The following KCND2 variants were observed in gnomAD, a reference collection of about 807,000 sequenced individuals.
KCND2 encodes potassium voltage-gated channel subfamily D member 2, also known as A-type voltage-gated potassium channel KCND2.
KCND2 carries 16 observed loss-of-function variants against 54.4 expected under a neutral mutation model. The ratio of observed to expected loss-of-function variants is 0.29; its 90% CI spans 0.20 to 0.45. The LOEUF (loss-of-function observed/expected upper bound fraction) is 0.45, where lower values mean the gene tolerates loss of function less well. KCND2 is among the 20% of genes least tolerant of loss of function. The pLI, the probability that KCND2 is intolerant of heterozygous loss-of-function variation, is 1.00. For synonymous variants in KCND2, 317 were observed against 310.7 expected (o/e 1.02, Z -0.21); for missense variants, 486 against 824.2 (o/e 0.59, Z 5.02).
intron 1 of KCND2, among the ~76,000 whole-genome samples, chr7:120,387,464 T>C (rs1320795361): frequency 6.6e-6 from 1 of 152,050 alleles, no homozygotes; most frequent in Non-Finnish European, 1.5e-5. Context: ...ACTATATTTA[T>C]TGCCTATATG....
intron 5 of KCND2, chr7:120,746,666 C>G (rs1793011803): frequency 6.5e-6 from 1 of 152,820 alleles, no homozygotes; most frequent in Non-Finnish European, 1.5e-5. Context: ...TCCTTATTCA[C>G]TGTTTTTACC....
At chr7:120,428,328 T>C (rs1165188786) in intron 1 of KCND2, among the ~76,000 whole-genome samples, 2 of 152,152 alleles carry the variant, frequency 1.3e-5, no homozygotes, top group African/African-American at 4.8e-5. Context: ...GTGTAATAAA[T>C]GCTATAATGA....
intron 1 of KCND2, among the ~76,000 whole-genome samples, chr7:120,482,684 A>G (rs1802623630): frequency 6.6e-6 from 1 of 152,118 alleles, no homozygotes; most frequent in South Asian, 2.1e-4. Flanking sequence ...CTTCCACCAC[A>G]GGATGACCCT....
chr7:120,432,239 T>G lies in KCND2; in HGVS notation c.1115+156492T>G, dbSNP rs188066238. Reference sequence around the variant, plus strand: ...CCTGGTCACTCCCCTCAAGACATATTCTAGTGTACTAATATCTCCGTAAAG... The same window carrying G: ...CCTGGTCACTCCCCTCAAGACATATGCTAGTGTACTAATATCTCCGTAAAG... On this transcript the variant is annotated intron_variant, in intron 1 of 5. Coordinates refer to ENST00000331113, the MANE Select transcript of KCND2 (RefSeq NM_012281.3). Among the ~76,000 whole-genome samples the G allele has an allele frequency of 2.2e-4, 33 of 152,300 alleles. No individual in the cohort carries two copies. In the East Asian group the frequency reaches 3.3e-3, roughly 15 times the overall value.
intron 1 of KCND2, among the ~76,000 whole-genome samples, chr7:120,700,604 A>G (rs1234712343): frequency 6.6e-6 from 1 of 152,228 alleles, no homozygotes; most frequent in Non-Finnish European, 1.5e-5. Flanking sequence ...CAAACTTTGG[A>G]GAATTTAAAA....
chr7:120,458,969 T>G (rs940482796), intron 1 of KCND2, among the ~76,000 whole-genome samples: 6 of 151,602 alleles, frequency 4.0e-5, no homozygotes, highest in Non-Finnish European at 8.8e-5. Flanking sequence ...CCTAGTAATA[T>G]CAGTATCTAA....
At chr7:120,323,310 T>C (rs1406908330) in intron 1 of KCND2, among the ~76,000 whole-genome samples, 1 of 152,074 alleles carries the variant, frequency 6.6e-6, no homozygotes, top group Non-Finnish European at 1.5e-5. Flanking sequence ...ATTTTTTTAT[T>C]ATTATACTTT....
intron 1 of KCND2, among the ~76,000 whole-genome samples, chr7:120,678,372 T>TATATAC (rs1554385180): frequency 1.7e-4 from 23 of 133,498 alleles, no homozygotes; most frequent in African/African-American, 5.6e-4. Context: ...TATATATATA[T>TATATAC]ACGCACACAC....
chr7:120,555,811 C>G (rs1792156598), intron 1 of KCND2, among the ~76,000 whole-genome samples: 1 of 152,134 alleles, frequency 6.6e-6, no homozygotes, highest in Non-Finnish European at 1.5e-5. Flanking sequence ...AATTTGCTGG[C>G]TATACTACAG....
chr7:120,602,572 A>T (rs369326954), intron 1 of KCND2, among the ~76,000 whole-genome samples: 1 of 152,192 alleles, frequency 6.6e-6, no homozygotes, highest in Non-Finnish European at 1.5e-5. Context: ...TAAAACTAAA[A>T]TGTTTTATAG....
chr7:120,417,089 C>T (rs1335904824), intron 1 of KCND2, among the ~76,000 whole-genome samples: 1 of 152,174 alleles, frequency 6.6e-6, no homozygotes, highest in Non-Finnish European at 1.5e-5. Context: ...TCAAGTGATC[C>T]ACCTGCCTCA....
intron 1 of KCND2, among the ~76,000 whole-genome samples, chr7:120,548,126 G>T (rs1237723247): frequency 1.3e-5 from 2 of 152,054 alleles, no homozygotes; most frequent in Non-Finnish European, 2.9e-5. Context: ...CCAGAGAATT[G>T]CCTGAAGGAA....
chr7:120,301,873 ACATAGAGAATTGAAAGAGGTAAC>A (rs1176297198), intron 1 of KCND2, among the ~76,000 whole-genome samples: 4 of 152,288 alleles, frequency 2.6e-5, no homozygotes, highest in Non-Finnish European at 1.5e-5. Context: ...TCCTAAGAGA[ACATAGAGAATTGAAAGAGGTAAC>A]CATATGATAA....
intron 1 of KCND2, among the ~76,000 whole-genome samples, chr7:120,414,354 G>A (rs1801496320): frequency 6.6e-6 from 1 of 152,026 alleles, no homozygotes; most frequent in African/African-American, 2.4e-5. Flanking sequence ...CTGTCAAAAA[G>A]TAATTACCAA....
intron 1 of KCND2, among the ~76,000 whole-genome samples, chr7:120,565,434 G>C (rs1280938728): frequency 6.6e-6 from 1 of 152,136 alleles, no homozygotes; most frequent in Admixed American, 6.6e-5. Flanking sequence ...TTCTTGGTCT[G>C]CATCTTTAGT....
At chr7:120,374,807 T>C (rs1423368667) in intron 1 of KCND2, among the ~76,000 whole-genome samples, 1 of 151,832 alleles carries the variant, frequency 6.6e-6, no homozygotes, top group East Asian at 1.9e-4. Context: ...TCTGCCTGAG[T>C]GTGCATCTTT....
At chr7:120,326,629 A>C (rs767419369) in intron 1 of KCND2, among the ~76,000 whole-genome samples, 34 of 152,136 alleles carry the variant, frequency 2.2e-4, no homozygotes, top group Middle Eastern at 3.2e-3. Flanking sequence ...TTCAGATTAT[A>C]TGAGAATATG....
chr7:120,506,259 G>A (rs574818591), intron 1 of KCND2, among the ~76,000 whole-genome samples: 1 of 151,618 alleles, frequency 6.6e-6, no homozygotes, highest in Admixed American at 6.6e-5. Flanking sequence ...CTAGATGGTG[G>A]GTACACAAAG....
chr7:120,279,654 A>G (rs1475784257), intron 1 of KCND2, among the ~76,000 whole-genome samples: 1 of 151,992 alleles, frequency 6.6e-6, no homozygotes, highest in Non-Finnish European at 1.5e-5. Context: ...CATAATTGCC[A>G]TATTTCAATT....
Sources: gnomAD v4.1 joint callset for allele counts (sites outside exome capture counted in the v4.1 genomes callset) on GRCh38, gnomAD v4.1.1 for gene constraint, MANE v1.5 for transcripts, NCBI Gene and HGNC (gene_info 2026-07-23, HGNC 2026-07-21) for gene names.